The following ADARB2 variants were observed in gnomAD, a reference collection of about 807,000 sequenced individuals.
ADARB2 encodes adenosine deaminase RNA specific B2 (inactive), also known as inactive double-stranded RNA-specific editase B2.
In ADARB2, 25 loss-of-function variants were observed where a neutral mutation model predicts 62.2. That is an observed-to-expected ratio of 0.40 (90% CI 0.29 to 0.56). The LOEUF is 0.56. ADARB2 is among the 20% of genes least tolerant of loss of function. ADARB2 has a pLI of 0.43. For synonymous variants in ADARB2, 572 were observed against 500.8 expected, an observed-to-expected ratio of 1.14 and a Z score of -1.90; for missense variants, 1,071 against 1,077.4, an observed-to-expected ratio of 0.99 and a Z score of 0.08.
intron 1 of ADARB2, among the ~76,000 whole-genome samples, chr10:1,718,051 T>C (rs1202219624): frequency 2.6e-5 from 4 of 151,860 alleles, no homozygotes; most frequent in Non-Finnish European, 5.9e-5. Flanking sequence ...AGAAAAATGC[T>C]AAGGAAGAAA....
chr10:1,476,347 C>T (rs1831400839), intron 1 of ADARB2, among the ~76,000 whole-genome samples: 1 of 152,156 alleles, frequency 6.6e-6, no homozygotes, highest in African/African-American at 2.4e-5. Context: ...AGGGAGAAGC[C>T]CCAGGCCCTG....
chr10:1,607,857 G>A (rs979421473), intron 1 of ADARB2, among the ~76,000 whole-genome samples: 3 of 152,184 alleles, frequency 2.0e-5, no homozygotes, highest in African/African-American at 4.8e-5. Flanking sequence ...TCCAGGCCTC[G>A]CATGAACTTT....
chr10:1,553,132 C>T (rs4622181), intron 1 of ADARB2, among the ~76,000 whole-genome samples: 34,918 of 152,152 alleles, frequency 0.23, 4,229 homozygotes, highest in Admixed American at 0.25. Flanking sequence ...CTGAATGCTA[C>T]CAGACACCAG....
At position 1,181,440 on chromosome 10, in the gene ADARB2, T is replaced by C. The variant is rs944469873; in HGVS notation, c.*1753A>G. On this transcript the variant is annotated 3_prime_UTR_variant, in exon 10 of 10. Coordinates refer to ENST00000381312, the MANE Select transcript of ADARB2 (RefSeq NM_018702.4). ...AAAATGTTCTCGTATCTTTTGAAACTTTATCTGGAAGAAGTTGTCTACTCC... is the reference window on the plus strand; with the variant it reads ...AAAATGTTCTCGTATCTTTTGAAACCTTATCTGGAAGAAGTTGTCTACTCC... The C allele has an allele frequency of 2.0e-5, 3 of 152,248 alleles. No homozygotes were observed. The highest frequency in any genetic ancestry group is 7.2e-5 in the African/African-American group (3 of 41,464). 9.4% of individuals were successfully genotyped at this position (152,248 alleles called of 1,614,324 possible).
At chr10:1,480,851 A>G (rs1831461462) in intron 1 of ADARB2, among the ~76,000 whole-genome samples, 1 of 152,244 alleles carries the variant, frequency 6.6e-6, no homozygotes, top group South Asian at 2.1e-4. Flanking sequence ...AAGACATCTT[A>G]TGATTGGAAG....
chr10:1,498,157 G>A (rs1347218838), intron 1 of ADARB2, among the ~76,000 whole-genome samples: 1 of 152,016 alleles, frequency 6.6e-6, no homozygotes, highest in African/African-American at 2.4e-5. Context: ...TGGATCACCT[G>A]GGGTCAGGAG....
chr10:1,582,365 G>A (rs1216251295), intron 1 of ADARB2, among the ~76,000 whole-genome samples: 2 of 152,120 alleles, frequency 1.3e-5, no homozygotes, highest in Non-Finnish European at 1.5e-5. Context: ...GCCCAGCACT[G>A]ACCCACAGCT....
At chr10:1,535,380 T>A (rs1832317336) in intron 1 of ADARB2, among the ~76,000 whole-genome samples, 1 of 152,102 alleles carries the variant, frequency 6.6e-6, no homozygotes, top group African/African-American at 2.4e-5. Context: ...TGCAGCTGAG[T>A]TCTCGGTAAA....
chr10:1,647,360 T>C (rs1044535555), intron 1 of ADARB2, among the ~76,000 whole-genome samples: 8 of 152,256 alleles, frequency 5.3e-5, no homozygotes, highest in African/African-American at 1.4e-4. Flanking sequence ...TATGTGTGTG[T>C]GCACACGTGT....
rs978696199 is a variant in ADARB2 at position 1,424,968 on chromosome 10, C to T, written c.101-45808G>A. ...AGATGAAATTTCAACCTAAGGTCTC[C>T]AAAAGCATTTATCAGCTGCATGAAA... On this transcript the variant is annotated intron_variant, in intron 1 of 9. Transcript: ENST00000381312. 2.6e-4 allele frequency among the ~76,000 whole-genome samples: 40 copies of T among 152,064 alleles called. 1 individual carries two copies.
At chr10:1,324,252 A>G (rs1302268299) in intron 3 of ADARB2, among the ~76,000 whole-genome samples, 1 of 152,230 alleles carries the variant, frequency 6.6e-6, no homozygotes, top group African/African-American at 2.4e-5. Flanking sequence ...AGTGGCCACA[A>G]TAAAGGCTGA....
chr10:1,671,793 C>A (rs1161483519), intron 1 of ADARB2, among the ~76,000 whole-genome samples: 1 of 152,130 alleles, frequency 6.6e-6, no homozygotes, highest in Non-Finnish European at 1.5e-5. Context: ...TGCAGCGAAT[C>A]TGCCACAGAC....
At chr10:1,514,686 G>A (rs1028066950) in intron 1 of ADARB2, among the ~76,000 whole-genome samples, 1 of 152,160 alleles carries the variant, frequency 6.6e-6, no homozygotes, top group Admixed American at 6.5e-5. Context: ...GATTGAATTA[G>A]AGTTGTCACC....
chr10:1,376,310 A>AT (rs1331721916), intron 2 of ADARB2, among the ~76,000 whole-genome samples: 1 of 152,266 alleles, frequency 6.6e-6, no homozygotes, highest in Non-Finnish European at 1.5e-5. Context: ...TTTCAAGAGC[A>AT]TTTTAACTAC....
intron 1 of ADARB2, among the ~76,000 whole-genome samples, chr10:1,691,567 T>C (rs1834673108): frequency 6.6e-6 from 1 of 152,164 alleles, no homozygotes; most frequent in Non-Finnish European, 1.5e-5. Context: ...GCTGACTACA[T>C]GTTGAAGGGG....
intron 1 of ADARB2, among the ~76,000 whole-genome samples, chr10:1,558,863 T>C (rs1237912277): frequency 6.7e-6 from 1 of 149,810 alleles, no homozygotes; most frequent in Non-Finnish European, 1.5e-5. Flanking sequence ...TTCAGAGCCA[T>C]GACCACTTCC....
intron 1 of ADARB2, among the ~76,000 whole-genome samples, chr10:1,593,725 C>T (rs10903507): frequency 0.17 from 25,954 of 152,152 alleles, 2,558 homozygotes; most frequent in Non-Finnish European, 0.22. Context: ...TTACTTCTAA[C>T]GTGACTGCAT....
At chr10:1,189,939 C>G (rs533941877) in intron 8 of ADARB2, among the ~76,000 whole-genome samples, 1 of 151,824 alleles carries the variant, frequency 6.6e-6, no homozygotes, top group Non-Finnish European at 1.5e-5. Context: ...CCCCCGAACA[C>G]GTGGCGCTAC....
intron 6 of ADARB2, among the ~76,000 whole-genome samples, chr10:1,229,099 A>G (rs1036188115): frequency 6.6e-6 from 1 of 152,240 alleles, no homozygotes; most frequent in South Asian, 2.1e-4. Flanking sequence ...TTCCGAAGCT[A>G]GCAGGTGACA....
Sources: allele counts gnomAD v4.1 joint callset (sites outside exome capture counted in the v4.1 genomes callset), GRCh38; gene constraint gnomAD v4.1.1; transcripts MANE v1.5; gene names NCBI Gene and HGNC (gene_info 2026-07-23, HGNC 2026-07-21).